NEU1: variants seen among roughly 807,000 people sequenced by gnomAD.
NEU1 encodes the protein sialidase-1.
A neutral mutation model predicts 38.3 loss-of-function variants in NEU1; 32 were observed. That is an observed-to-expected ratio of 0.84 (90% CI 0.63 to 1.12). The LOEUF (loss-of-function observed/expected upper bound fraction) is 1.12. Ranked by LOEUF, NEU1 falls within the 50% of genes most tolerant of loss-of-function variation. NEU1 has a pLI of 0.00. For synonymous variants in NEU1, 192 were observed against 225.2 expected (o/e 0.85, Z 1.32); for missense variants, 431 against 549.2 (o/e 0.78, Z 2.15).
chr6:31,861,330 C>T lies in NEU1; in HGVS notation c.473G>A (p.Cys158Tyr), dbSNP rs1218815438. The change falls in exon 3 of 6, where the codon TGT becomes TAT. Residue 158 changes from cysteine (C) to tyrosine (Y), a missense_variant. By Grantham distance (194) the Cys-to-Tyr change is radical. Coordinates refer to ENST00000375631, the MANE Select transcript of NEU1 (RefSeq NM_000434.4). The part of the protein sequence containing the change: ...TGVVFLFYSL[C>Y]AHKAGCQVAS... ...CACCTGGCAGCCGGCCTTGTGAGCA[C>T]AAAGGGAGTAGAAAAGAAATACTAC... 1.9e-6 allele frequency: 3 copies of T among 1,612,940 alleles called. No individual in the cohort carries two copies. In the Admixed American group the frequency reaches 5.0e-5, roughly 27 times the overall value.
rs1762407558 is a variant in NEU1, at chr6:31,859,256, A to G, written c.*463T>C. On this transcript the variant is annotated 3_prime_UTR_variant, in exon 6 of 6. Coordinates refer to ENST00000375631, the MANE Select transcript of NEU1 (RefSeq NM_000434.4). ...TTAAGTTACAAACATTTTGATTGAT[A>G]GTCAGTCATGGTGGTGCACCTAGTC... The G allele has an allele frequency of 3.8e-6, 1 of 266,196 alleles. No individual in the cohort carries two copies. Among genetic ancestry groups the G allele is most frequent in the African/African-American group, 2.2e-5 (1 of 45,950 alleles). The allele number at this position is 266,196 out of a possible 1,614,324, so 16.5% of individuals were successfully genotyped here.
chr6:31,862,487 A>G lies in NEU1; in HGVS notation c.159+131T>C. The G allele has an allele frequency of 7.7e-7, 1 of 1,304,382 alleles. No individual in the cohort carries two copies. The highest frequency in any genetic ancestry group is 1.1e-6 in the Non-Finnish European group (1 of 919,060). The allele number at this position is 1,304,382 out of a possible 1,614,324, so 80.8% of individuals were successfully genotyped here. ...AGGGAGAGGGGCTGGGAGCGGTAGG[A>G]GGAAACGGGGTCTGGGAGAAAGAAA... On this transcript the variant is annotated intron_variant, in intron 1 of 5. Transcript: ENST00000375631. The surrounding 1 kb of genome is among the most constrained non-coding windows in gnomAD (Gnocchi z 6.3).
chr6:31,859,520 AC>A lies in NEU1; in HGVS notation c.*198del. ...GACAGTATTCTCAGATGAGGGCAGG[AC>A]TTTTTTGTGGGAGAGGACGCCTAGC... is the stretch of plus-strand genomic sequence containing the variant. On this transcript the variant is annotated 3_prime_UTR_variant, in exon 6 of 6. Coordinates refer to ENST00000375631, the MANE Select transcript of NEU1 (RefSeq NM_000434.4). 1 of 674,806 alleles carries A rather than the reference AC, an allele frequency of 1.5e-6. No individual in the cohort carries two copies. The highest frequency in any genetic ancestry group is 2.7e-6 in the Non-Finnish European group (1 of 374,796). 41.8% of individuals were successfully genotyped at this position (674,806 alleles called of 1,614,324 possible). A position where few individuals can be genotyped will look rare whatever the true frequency, so the allele number is the denominator to read the frequency against.
At position 31,862,804 on chromosome 6, in the gene NEU1, C is replaced by A. The variant is rs1226437444; in HGVS notation, c.-28G>T. 2.5e-6 allele frequency: 4 copies of A among 1,612,052 alleles called. No individual in the cohort carries two copies. The African/African-American group carries it at 5.3e-5, about 22-fold the overall frequency. On this transcript the variant is annotated 5_prime_UTR_variant, in exon 1 of 6. Coordinates refer to ENST00000375631, the MANE Select transcript of NEU1 (RefSeq NM_000434.4). The surrounding 1 kb of genome is among the most constrained non-coding windows in gnomAD (Gnocchi z 6.3). ...CTCCCCGCAGCTGCCGCGACCCTGG[C>A]AGCTAGACTCCACAGAGTCGGGAGT...
At chr6:31,861,524 C>T (rs1762513181) in intron 2 of NEU1, 74 bp from the exon 3 acceptor site, 2 of 1,600,900 alleles carry the variant, frequency 1.2e-6, no homozygotes, top group Non-Finnish European at 1.7e-6. Context: ...CCGTTAATTT[C>T]CCACCTTCTG....
In NEU1 at chr6:31,857,707, A is replaced by G. The variant is rs1762354864; in HGVS notation, c.*2012T>C. On this transcript the variant is annotated 3_prime_UTR_variant, in exon 6 of 6. Transcript: ENST00000375631. Reference sequence around the variant, plus strand: ...TGCAGGCTGAACAGATTCTTTTCATAAGCATCTGCCTGGGGAATATTTTCT... The same window carrying G: ...TGCAGGCTGAACAGATTCTTTTCATGAGCATCTGCCTGGGGAATATTTTCT... The G allele has an allele frequency of 2.0e-5, 3 of 151,648 alleles. No homozygotes were observed. Among genetic ancestry groups the G allele is most frequent in the African/African-American group, 7.3e-5 (3 of 41,256 alleles). 9.4% of individuals were successfully genotyped at this position (151,648 alleles called of 1,614,324 possible). A position where few individuals can be genotyped will look rare whatever the true frequency, so the allele number is the denominator to read the frequency against.
Position 31,861,448 on chromosome 6 carries a change from T to G in NEU1, c.355A>C (p.Ser119Arg), listed in dbSNP as rs770003815. The change falls in exon 3 of 6, where the codon AGC becomes CGC. Residue 119 changes from serine (S) to arginine (R), a missense_variant and splice_region_variant. By Grantham distance (110) the Ser-to-Arg change is moderately radical. Coordinates refer to ENST00000375631, the MANE Select transcript of NEU1 (RefSeq NM_000434.4). ...ATGAACGCTGTAGGAGACCATGTGC[T>G]GCCTGAAAAAAATTGGAGGAAGAAA... is the stretch of plus-strand genomic sequence containing the variant. ...IALRRSMDQGSTWSPTAFIVN... is the reference protein window; with the variant it reads ...IALRRSMDQGRTWSPTAFIVN... 1 of 1,612,850 alleles carries G rather than the reference T, an allele frequency of 6.2e-7. No individual in the cohort carries two copies. Among genetic ancestry groups the G allele is most frequent in the African/African-American group, 1.3e-5 (1 of 75,064 alleles).
At position 31,859,927 on chromosome 6, in the gene NEU1, C is replaced by T. The variant is rs1394699316; in HGVS notation, c.1040G>A (p.Arg347Gln). Residue 347 changes from arginine to glutamine, a missense_variant, in exon 6 of 6, where the codon CGA becomes CAA. Coordinates refer to ENST00000375631, the MANE Select transcript of NEU1 (RefSeq NM_000434.4). ...HPEFRVNLTL[R>Q]WSFSNGTSWR... ...TGAGGTACCATTGCTGAAGCTCCAT[C>T]GCAGGGTCAGGTTCACTCCTGGGGA... is the stretch of plus-strand genomic sequence containing the variant. 8.1e-6 allele frequency: 13 copies of T among 1,612,892 alleles called. No homozygotes were observed. The highest frequency in any genetic ancestry group is 2.2e-5 in the East Asian group (1 of 44,902).
At position 31,859,849 on chromosome 6, in the gene NEU1, A is replaced by G. The variant is rs1355260876; in HGVS notation, c.1118T>C (p.Leu373Pro). Residue 373 changes from leucine to proline, a missense_variant, in exon 6 of 6, where the codon CTG (leucine) becomes CCG (proline). Leu to Pro is a moderately conservative substitution (Grantham distance 98, BLOSUM62 -3). Coordinates refer to ENST00000375631, the MANE Select transcript of NEU1 (RefSeq NM_000434.4). Reference sequence around the variant, plus strand: ...ATCCATGCTGCCCTCCAGGGTTGCCAGGGATGAATAGCCACTGGGGCCTGG... The same window carrying G: ...ATCCATGCTGCCCTCCAGGGTTGCCGGGGATGAATAGCCACTGGGGCCTGG... ...LWPGPSGYSS[L>P]ATLEGSMDGE... The G allele has an allele frequency of 1.2e-6, 2 of 1,613,070 alleles. No individual in the cohort carries two copies. The highest frequency in any genetic ancestry group is 4.5e-5 in the East Asian group (2 of 44,882).
Position 31,858,480 on chromosome 6 carries a change from G to C in NEU1, c.*1239C>G, listed in dbSNP as rs1318585873. 6.6e-6 allele frequency: 1 copy of C among 151,638 alleles called. No homozygotes were observed. The highest frequency in any genetic ancestry group is 1.5e-5 in the Non-Finnish European group (1 of 67,942). 9.4% of individuals were successfully genotyped at this position (151,638 alleles called of 1,614,324 possible). A position where few individuals can be genotyped will look rare whatever the true frequency, so the allele number is the denominator to read the frequency against. ...CAAAAATTAGCCGGGTGTGGTGGTG[G>C]GCACCTGTAATCCCAGCTATTCGGG... On this transcript the variant is annotated 3_prime_UTR_variant, in exon 6 of 6. Coordinates refer to ENST00000375631, the MANE Select transcript of NEU1 (RefSeq NM_000434.4).
Position 31,858,021 on chromosome 6 carries a change from C to T in NEU1, c.*1698G>A, listed in dbSNP as rs143600453. 164 of 152,260 alleles carry T rather than the reference C, an allele frequency of 1.1e-3. No individual in the cohort carries two copies. Among genetic ancestry groups the T allele is most frequent in the Non-Finnish European group, 1.3e-3 (91 of 68,040 alleles). 9.4% of individuals were successfully genotyped at this position (152,260 alleles called of 1,614,324 possible). ...CTGGGACTATAAGTGTAAGCCAACA[C>T]GCCTGGCTAGTTTTTGTATTTTTAG... On this transcript the variant is annotated 3_prime_UTR_variant, in exon 6 of 6. Coordinates refer to ENST00000375631, the MANE Select transcript of NEU1 (RefSeq NM_000434.4).
In NEU1 at chr6:31,860,651, A is replaced by G. The variant is rs1762476123; in HGVS notation, c.616-30T>C. On this transcript the variant is annotated intron_variant, in intron 3 of 5. Transcript: ENST00000375631. This position sits in a 1 kb window ranked among gnomAD's most constrained non-coding sequence, Gnocchi z 4.8. The stretch of plus-strand genomic sequence containing the variant: ...GGGAAAGGGAACTGGGTGTCACAGA[A>G]GGAGACTCTAGGGGCTCAGAGGCAG... 3 of 1,611,592 alleles carry G rather than the reference A, an allele frequency of 1.9e-6. No homozygotes were observed. Among genetic ancestry groups the G allele is most frequent in the African/African-American group, 1.3e-5 (1 of 74,954 alleles).
rs1762388924 is a variant in NEU1, at chr6:31,858,719, TAAG to T, written c.*997_*999del. 1 of 151,896 alleles carries T rather than the reference TAAG, an allele frequency of 6.6e-6. No homozygotes were observed. Among genetic ancestry groups the T allele is most frequent in the Non-Finnish European group, 1.5e-5 (1 of 67,984 alleles). The allele number at this position is 151,896 out of a possible 1,614,324, so 9.4% of individuals were successfully genotyped here. A position where few individuals can be genotyped will look rare whatever the true frequency, so the allele number is the denominator to read the frequency against. ...TGAAGATCAACCTGTTTCTCGGTGA[TAAG>T]AAGGAATGTAGGCTGGGTGCGGTGG... On this transcript the variant is annotated 3_prime_UTR_variant, in exon 6 of 6. Coordinates refer to ENST00000375631, the MANE Select transcript of NEU1 (RefSeq NM_000434.4).
In NEU1 at chr6:31,862,599, T is replaced by C; in HGVS notation, c.159+19A>G. 6.2e-7 allele frequency: 1 copy of C among 1,613,002 alleles called. No individual in the cohort carries two copies. ...CACCTGCGCGGGTCGGGGATGGGGC[T>C]ATGCAAAGGGTGACTCACCAGACCG... On this transcript the variant is annotated intron_variant, in intron 1 of 5. Coordinates refer to ENST00000375631, the MANE Select transcript of NEU1 (RefSeq NM_000434.4). This position sits in a 1 kb window ranked among gnomAD's most constrained non-coding sequence, Gnocchi z 6.3.
rs917890618 is a variant in NEU1, at chr6:31,860,179, C to T, written c.884G>A (p.Ser295Asn). ...YHCHCRIVLR[S>N]YDACDTLRPR... ...CCTTAGTGTATCACAGGCATCATAG[C>T]TGCGGAGGACAATTCGGCAGTGGCA... Residue 295 changes from serine (S) to asparagine (N), a missense_variant, in exon 5 of 6, where the codon AGC becomes AAC. Ser to Asn is a conservative substitution (Grantham distance 46, BLOSUM62 1). Coordinates refer to ENST00000375631, the MANE Select transcript of NEU1 (RefSeq NM_000434.4). This position sits in a 1 kb window ranked among gnomAD's most constrained non-coding sequence, Gnocchi z 4.8. 6.2e-7 allele frequency: 1 copy of T among 1,613,004 alleles called. No individual in the cohort carries two copies. Among genetic ancestry groups the T allele is most frequent in the South Asian group, 1.1e-5 (1 of 91,082 alleles).
rs1346563810 is a variant in NEU1, at chr6:31,860,828, C to G, written c.616-207G>C. On this transcript the variant is annotated intron_variant, in intron 3 of 5. Transcript: ENST00000375631. The surrounding 1 kb of genome is among the most constrained non-coding windows in gnomAD (Gnocchi z 4.8). ...CAGGGTGTACAGCTGGACATGTGCA[C>G]CAGGGGCCCAGCCACAGGGTGCATG... is the stretch of plus-strand genomic sequence containing the variant. 1 of 657,296 alleles carries G rather than the reference C, an allele frequency of 1.5e-6. No homozygotes were observed. The highest frequency in any genetic ancestry group is 2.7e-6 in the Non-Finnish European group (1 of 376,470). The allele number at this position is 657,296 out of a possible 1,614,324, so 40.7% of individuals were successfully genotyped here. A position where few individuals can be genotyped will look rare whatever the true frequency, so the allele number is the denominator to read the frequency against.
rs752833321 is a variant in NEU1 at position 31,861,171 on chromosome 6, T to C, written c.615+17A>G. ...TCCACAAGGCAGCCCCCTCCACCTATCTCCTAGGACAGAGACCTGAATACC... is the reference window on the plus strand; with the variant it reads ...TCCACAAGGCAGCCCCCTCCACCTACCTCCTAGGACAGAGACCTGAATACC... On this transcript the variant is annotated intron_variant, in intron 3 of 5. Coordinates refer to ENST00000375631, the MANE Select transcript of NEU1 (RefSeq NM_000434.4). The C allele has an allele frequency of 6.2e-7, 1 of 1,610,900 alleles. No homozygotes were observed. The highest frequency in any genetic ancestry group is 8.5e-7 in the Non-Finnish European group (1 of 1,179,924).
Position 31,862,816 on chromosome 6 carries a change from A to T in NEU1, c.-40T>A, listed in dbSNP as rs41267082. The T allele has an allele frequency of 6.2e-7, 1 of 1,610,712 alleles. No homozygotes were observed. The highest frequency in any genetic ancestry group is 1.1e-5 in the South Asian group (1 of 90,852). On this transcript the variant is annotated 5_prime_UTR_variant, in exon 1 of 6. Coordinates refer to ENST00000375631, the MANE Select transcript of NEU1 (RefSeq NM_000434.4). The surrounding 1 kb of genome is among the most constrained non-coding windows in gnomAD (Gnocchi z 6.3). ...GCCGCGACCCTGGCAGCTAGACTCC[A>T]CAGAGTCGGGAGTCAGCTGACCCGG...
Position 31,860,682 on chromosome 6 carries a change from G to A in NEU1, c.616-61C>T. The stretch of plus-strand genomic sequence containing the variant: ...CTCTAGGGGCTCAGAGGCAGGGACA[G>A]AGAACCCACCACTTCCCAAATGCAA... On this transcript the variant is annotated intron_variant, in intron 3 of 5. Coordinates refer to ENST00000375631, the MANE Select transcript of NEU1 (RefSeq NM_000434.4). The surrounding 1 kb of genome is among the most constrained non-coding windows in gnomAD (Gnocchi z 4.8). The A allele has an allele frequency of 1.3e-6, 2 of 1,585,794 alleles. No homozygotes were observed. Among genetic ancestry groups the A allele is most frequent in the East Asian group, 2.2e-5 (1 of 44,724 alleles).
Sources: allele counts gnomAD v4.1 joint callset, GRCh38; gene constraint gnomAD v4.1.1; non-coding constraint Gnocchi (gnomAD v3.1); transcripts MANE v1.5; gene names NCBI Gene and HGNC (gene_info 2026-07-23, HGNC 2026-07-21).